Variants in DCLK1 observed in about 807,000 individuals in gnomAD.
DCLK1 encodes the protein doublecortin like kinase 1.
A neutral mutation model predicts 86.2 loss-of-function variants in DCLK1; 16 were observed. That is an observed-to-expected ratio of 0.19 (90% CI 0.13 to 0.28). DCLK1 has a LOEUF of 0.28. Among genes scored for constraint, DCLK1 ranks in the 10% least tolerant of loss-of-function variants. The pLI is 1.00. For synonymous variants in DCLK1, 369 were observed against 370.5 expected (o/e 1.00, Z 0.05); for missense variants, 590 against 940.2 (o/e 0.63, Z 4.87).
At chr13:35,819,512 A>C (rs909726058) in intron 11 of DCLK1, among the ~76,000 whole-genome samples, 1 of 152,246 alleles carries the variant, frequency 6.6e-6, no homozygotes, top group East Asian at 1.9e-4. Flanking sequence ...GTTATAACAA[A>C]TATTAATCTA....
At position 35,770,524 on chromosome 13, in the gene DCLK1, G is replaced by A. The variant is rs1252811059; in HGVS notation, c.*4011C>T. On this transcript the variant is annotated 3_prime_UTR_variant, in exon 17 of 17. Transcript: ENST00000360631. ...ATGCAAAGTAAGGGTCTGTGTGAGAGTATTTTCCCCAAACTCCTAATGGAC... is the reference window on the plus strand; with the variant it reads ...ATGCAAAGTAAGGGTCTGTGTGAGAATATTTTCCCCAAACTCCTAATGGAC... 2.6e-5 allele frequency: 4 copies of A among 152,110 alleles called. No individual in the cohort carries two copies. Among genetic ancestry groups the A allele is most frequent in the Admixed American group, 6.5e-5 (1 of 15,276 alleles). The allele number at this position is 152,110 out of a possible 1,614,324, so 9.4% of individuals were successfully genotyped here. A position where few individuals can be genotyped will look rare whatever the true frequency, so the allele number is the denominator to read the frequency against.
intron 8 of DCLK1, among the ~76,000 whole-genome samples, chr13:35,833,118 G>T (rs1156877378): frequency 6.6e-6 from 1 of 152,116 alleles, no homozygotes; most frequent in Non-Finnish European, 1.5e-5. Context: ...ACATCCTCAG[G>T]CTTATAGGTG....
At chr13:35,867,961 GAAAGAGAA>G (rs1566577053) in intron 5 of DCLK1, among the ~76,000 whole-genome samples, 3 of 147,176 alleles carry the variant, frequency 2.0e-5, no homozygotes, top group African/African-American at 7.5e-5. Flanking sequence ...AAGAAAGAAA[GAAAGAGAA>G]AAAGAAAGAC....
chr13:35,848,208 T>C (rs1206663073), intron 6 of DCLK1: 29 of 985,188 alleles, frequency 2.9e-5, no homozygotes, highest in East Asian at 1.1e-4. Flanking sequence ...TAAAAATTCA[T>C]TGCCGAATTT....
chr13:36,006,259 A>G (rs1479644003), intron 3 of DCLK1, among the ~76,000 whole-genome samples: 1 of 152,244 alleles, frequency 6.6e-6, no homozygotes, highest in Non-Finnish European at 1.5e-5. Flanking sequence ...AATGAAGACA[A>G]GCACCTTTTC....
chr13:35,950,783 C>T (rs184198761), intron 3 of DCLK1, among the ~76,000 whole-genome samples: 209 of 152,256 alleles, frequency 1.4e-3, no homozygotes, highest in Admixed American at 4.8e-3. Context: ...TGTTCCACCT[C>T]CATGCTCCTG....
chr13:35,873,638 A>G (rs538281730), intron 4 of DCLK1, among the ~76,000 whole-genome samples: 2 of 152,134 alleles, frequency 1.3e-5, no homozygotes, highest in Non-Finnish European at 2.9e-5. Context: ...CACCCACCTC[A>G]GCCTCCCAAA....
At chr13:36,107,466 A>G (rs187054394) in intron 3 of DCLK1, among the ~76,000 whole-genome samples, 1 of 150,866 alleles carries the variant, frequency 6.6e-6, no homozygotes, top group African/African-American at 2.4e-5. Flanking sequence ...TGAAATGTCT[A>G]TAAGATAAAA....
chr13:36,047,878 C>A (rs1288846194), intron 3 of DCLK1, among the ~76,000 whole-genome samples: 1 of 152,064 alleles, frequency 6.6e-6, no homozygotes, highest in Non-Finnish European at 1.5e-5. Flanking sequence ...ATCACTTGAC[C>A]CCAGGAGTTC....
intron 4 of DCLK1, among the ~76,000 whole-genome samples, chr13:35,938,931 A>T (rs1208695164): frequency 6.6e-6 from 1 of 152,216 alleles, no homozygotes; most frequent in Non-Finnish European, 1.5e-5. Context: ...TGCAGATGTT[A>T]TACAATGCCT....
intron 3 of DCLK1, among the ~76,000 whole-genome samples, chr13:36,098,108 T>C (rs1480220469): frequency 6.6e-6 from 1 of 152,220 alleles, no homozygotes; most frequent in Admixed American, 6.5e-5. Context: ...CAAGAAACAC[T>C]AGCTGCTATT....
At chr13:36,083,482 T>G (rs554822780) in intron 3 of DCLK1, among the ~76,000 whole-genome samples, 2 of 152,296 alleles carry the variant, frequency 1.3e-5, no homozygotes, top group African/African-American at 4.8e-5. Context: ...TAAATGGCTA[T>G]AAGAAAACAA....
intron 3 of DCLK1, among the ~76,000 whole-genome samples, chr13:36,027,110 T>G (rs1475461395): frequency 6.6e-6 from 1 of 152,232 alleles, no homozygotes; most frequent in Non-Finnish European, 1.5e-5. Context: ...AGCATTATCC[T>G]CTATAGCCAG....
intron 3 of DCLK1, among the ~76,000 whole-genome samples, chr13:36,087,040 C>T (rs7985531): frequency 0.11 from 16,177 of 152,158 alleles, 1,354 homozygotes; most frequent in East Asian, 0.32. Context: ...CTTGAGGAAT[C>T]GCCACACTGT....
At chr13:36,027,244 G>T (rs928782334) in intron 3 of DCLK1, among the ~76,000 whole-genome samples, 1 of 152,180 alleles carries the variant, frequency 6.6e-6, no homozygotes, top group African/African-American at 2.4e-5. Flanking sequence ...TCGGGCATTA[G>T]ATTCTCATAA....
upstream of DCLK1, among the ~76,000 whole-genome samples, chr13:36,131,833 T>C (rs555148311): frequency 6.6e-6 from 1 of 152,350 alleles, no homozygotes; most frequent in South Asian, 2.1e-4. Flanking sequence ...GATCACCTTC[T>C]CATCCTTTTT....
chr13:35,788,853 A>C (rs1462233726), intron 16 of DCLK1, among the ~76,000 whole-genome samples: 1 of 152,238 alleles, frequency 6.6e-6, no homozygotes, highest in East Asian at 1.9e-4. Context: ...TATATGATCT[A>C]ATTAAAGGTG....
At chr13:35,913,217 C>A (rs1287280654) in intron 4 of DCLK1, among the ~76,000 whole-genome samples, 1 of 152,202 alleles carries the variant, frequency 6.6e-6, no homozygotes, top group East Asian at 1.9e-4. Context: ...AGTTCAGTTT[C>A]AGCTGAAAAT....
chr13:35,795,600 G>A (rs2086792035), intron 15 of DCLK1, among the ~76,000 whole-genome samples: 1 of 152,130 alleles, frequency 6.6e-6, no homozygotes, highest in African/African-American at 2.4e-5. Context: ...TGAATTGAAT[G>A]GTGTATATAA....
Sources: allele counts gnomAD v4.1 joint callset (sites outside exome capture counted in the v4.1 genomes callset), GRCh38; gene constraint gnomAD v4.1.1; transcripts MANE v1.5; gene names NCBI Gene and HGNC (gene_info 2026-07-23, HGNC 2026-07-21).